NCOA3: variants seen among roughly 807,000 people sequenced by gnomAD.
NCOA3 encodes the protein CBP-interacting protein.
Under a neutral mutation model 158.8 loss-of-function variants are expected in NCOA3, and 51 were observed. The observed-to-expected ratio is 0.32, with a 90% confidence interval of 0.26 to 0.41. The LOEUF (loss-of-function observed/expected upper bound fraction) is 0.41. Ranked by LOEUF, NCOA3 falls within the 10% of genes least tolerant of loss-of-function variation. The pLI, the probability that NCOA3 is intolerant of heterozygous loss-of-function variation, is 1.00. For missense variants in NCOA3, 1,510 were observed against 1,746.6 expected, an observed-to-expected ratio of 0.86 and a Z score of 2.41; for synonymous variants, 537 against 592.4, an observed-to-expected ratio of 0.91 and a Z score of 1.36.
At position 47,585,046 on chromosome 20, in the gene NCOA3, C is replaced by CTTTTTTTTTTT. The variant is rs11473989; in HGVS notation, c.-20+1800_-20+1810dup. 1.9e-4 allele frequency among the ~76,000 whole-genome samples: 17 copies of CTTTTTTTTTTT among 91,340 alleles called. 3 individuals are homozygous for CTTTTTTTTTTT. The highest frequency in any genetic ancestry group is 6.7e-4 in the East Asian group (2 of 2,970). 59.9% of individuals were successfully genotyped at this position (91,340 alleles called of 152,430 possible). ...ACATTTCATCTAACCCCTTTCTTAA[C>CTTTTTTTTTTT]TTTTTTTTTTTTTTTTTTTTTTTTT... is the stretch of plus-strand genomic sequence containing the variant. On this transcript the variant is annotated intron_variant, in intron 2 of 22. Coordinates refer to ENST00000371998, the MANE Select transcript of NCOA3 (RefSeq NM_181659.3).
chr20:47,654,322 C>G lies in NCOA3; in HGVS notation c.*905C>G, dbSNP rs2086841039. On this transcript the variant is annotated 3_prime_UTR_variant, in exon 23 of 23. Coordinates refer to ENST00000371998, the MANE Select transcript of NCOA3 (RefSeq NM_181659.3). ...TTTTTAAAAATAAACTTCTGAAAACCCAAGGCCAGGTACTGCATTCTGAAT... is the reference window on the plus strand; with the variant it reads ...TTTTTAAAAATAAACTTCTGAAAACGCAAGGCCAGGTACTGCATTCTGAAT... 6.6e-6 allele frequency: 1 copy of G among 152,480 alleles called. No individual in the cohort carries two copies. Among genetic ancestry groups the G allele is most frequent in the Non-Finnish European group, 1.5e-5 (1 of 68,022 alleles). 9.4% of individuals were successfully genotyped at this position (152,480 alleles called of 1,614,324 possible).
chr20:47,625,876 AC>A (rs1260736635), intron 5 of NCOA3, among the ~76,000 whole-genome samples: 1 of 152,226 alleles, frequency 6.6e-6, no homozygotes, highest in African/African-American at 2.4e-5. Flanking sequence ...ACAATAAAAA[AC>A]ACCTCAGTGT....
At chr20:47,615,247 A>ATT (rs2086113395) in intron 2 of NCOA3, among the ~76,000 whole-genome samples, 1 of 152,192 alleles carries the variant, frequency 6.6e-6, no homozygotes, top group South Asian at 2.1e-4. Flanking sequence ...TTTCTCCCTT[A>ATT]TTAATTTAGG....
At chr20:47,524,534 GT>G (rs1409429848) in intron 1 of NCOA3, among the ~76,000 whole-genome samples, 1 of 152,190 alleles carries the variant, frequency 6.6e-6, no homozygotes, top group Non-Finnish European at 1.5e-5. Flanking sequence ...CCTCATGCCA[GT>G]TTAGATAAAA....
chr20:47,638,147 T>G (rs578219285), intron 13 of NCOA3, among the ~76,000 whole-genome samples: 7 of 152,148 alleles, frequency 4.6e-5, no homozygotes, highest in Non-Finnish European at 7.4e-5. Context: ...ACCTGTCCAT[T>G]GGTGTTTTAA....
At position 47,511,544 on chromosome 20, in the gene NCOA3, T is replaced by TACACACACAC. The variant is rs1248367171; in HGVS notation, c.-99+9526_-99+9527insCACACACACA. 1.9e-3 allele frequency among the ~76,000 whole-genome samples: 40 copies of TACACACACAC among 21,452 alleles called. 2 individuals are homozygous for TACACACACAC. Among genetic ancestry groups the TACACACACAC allele is most frequent in the Admixed American group, 4.4e-3 (5 of 1,146 alleles). The allele number at this position is 21,452 out of a possible 152,430, so 14.1% of individuals were successfully genotyped here. On this transcript the variant is annotated intron_variant, in intron 1 of 22. Transcript: ENST00000371998. ...CTCGAGATATATATATATATATATATATATATATATATTTCTTTTTTTTTT... is the reference window on the plus strand; with the variant it reads ...CTCGAGATATATATATATATATATATACACACACACATATATATATATTTCTTTTTTTTTT...
intron 1 of NCOA3, among the ~76,000 whole-genome samples, chr20:47,530,080 A>C (rs556751091): frequency 6.6e-6 from 1 of 152,218 alleles, no homozygotes; most frequent in East Asian, 1.9e-4. Flanking sequence ...ATAAAATGGC[A>C]TGTAGCTTTT....
At chr20:47,643,969 C>T (rs1438038902) in intron 17 of NCOA3, among the ~76,000 whole-genome samples, 1 of 151,364 alleles carries the variant, frequency 6.6e-6, no homozygotes, top group Non-Finnish European at 1.5e-5. Context: ...GATGCTGTAT[C>T]TTGGTATGGG....
chr20:47,580,642 G>A lies in NCOA3; in HGVS notation c.-98-2541G>A, dbSNP rs992674295. On this transcript the variant is annotated intron_variant, in intron 1 of 22. Coordinates refer to ENST00000371998, the MANE Select transcript of NCOA3 (RefSeq NM_181659.3). ...TAACCCCACCCCATGACCCTCCTTCGTCTTTCCTAATAAAGGAAAAAACAT... is the reference window on the plus strand; with the variant it reads ...TAACCCCACCCCATGACCCTCCTTCATCTTTCCTAATAAAGGAAAAAACAT... Among the ~76,000 whole-genome samples the A allele has an allele frequency of 4.0e-5, 6 of 148,392 alleles. No homozygotes were observed. The South Asian group carries it at 1.0e-3, about 26-fold the overall frequency.
At chr20:47,632,841 C>T in intron 8 of NCOA3, among the ~76,000 whole-genome samples, 1 of 151,374 alleles carries the variant, frequency 6.6e-6, no homozygotes, top group Non-Finnish European at 1.5e-5. Flanking sequence ...CACTCCCATG[C>T]CCAGCTAATT....
intron 1 of NCOA3, among the ~76,000 whole-genome samples, chr20:47,563,905 G>A (rs2009933): frequency 0.92 from 131,460 of 143,182 alleles, 60,442 homozygotes; most frequent in East Asian, 0.98. Flanking sequence ...AAAAAAAAAA[G>A]AAAGAAAAAA....
intron 1 of NCOA3, among the ~76,000 whole-genome samples, chr20:47,526,220 G>A (rs1484684426): frequency 1.3e-5 from 2 of 150,806 alleles, no homozygotes; most frequent in African/African-American, 4.9e-5. Context: ...GGGAAGAGGC[G>A]CTCCTCACTT....
At chr20:47,603,086 G>A (rs1321162123) in intron 2 of NCOA3, among the ~76,000 whole-genome samples, 2 of 152,214 alleles carry the variant, frequency 1.3e-5, no homozygotes, top group Non-Finnish European at 2.9e-5. Flanking sequence ...TGACAGAGAA[G>A]TGTATGATAT....
At chr20:47,580,331 G>A (rs1285522841) in intron 1 of NCOA3, among the ~76,000 whole-genome samples, 3 of 152,054 alleles carry the variant, frequency 2.0e-5, no homozygotes, top group Non-Finnish European at 4.4e-5. Flanking sequence ...TTGGGAGGCC[G>A]AGGTGGGCAG....
chr20:47,558,876 GCT>G (rs1403129815), intron 1 of NCOA3, among the ~76,000 whole-genome samples: 1 of 145,074 alleles, frequency 6.9e-6, no homozygotes. Context: ...TCCTTGATAG[GCT>G]CTGTTTTAAA....
intron 13 of NCOA3, 87 bp from the exon 14 acceptor site, chr20:47,638,921 G>C: frequency 9.9e-7 from 1 of 1,007,608 alleles, no homozygotes; most frequent in Non-Finnish European, 1.4e-6. Context: ...GACATTCTTG[G>C]GTGGGGAGTG....
At position 47,633,602 on chromosome 20, in the gene NCOA3, G is replaced by A; in HGVS notation, c.930G>A (p.Gly310=). Residue 310 remains glycine, a synonymous_variant, in exon 9 of 23, where the codon GGG becomes GGA. Coordinates refer to ENST00000371998, the MANE Select transcript of NCOA3 (RefSeq NM_181659.3). The part of the protein sequence containing the change: ...CIQRFFSLND[G]QSWSQKRHYQ... ...AGAGATTTTTTAGTCTAAATGATGG[G>A]CAGTCATGGTCCCAGAAACGTCACT... is the stretch of plus-strand genomic sequence containing the variant. The A allele has an allele frequency of 1.9e-6, 3 of 1,613,960 alleles. No homozygotes were observed. Among genetic ancestry groups the A allele is most frequent in the Non-Finnish European group, 2.5e-6 (3 of 1,179,940 alleles).
At chr20:47,610,939 T>C (rs556269676) in intron 2 of NCOA3, among the ~76,000 whole-genome samples, 40 of 152,330 alleles carry the variant, frequency 2.6e-4, no homozygotes, top group African/African-American at 9.1e-4. Context: ...TGTTTTTTAC[T>C]CTACAGGCAC....
At chr20:47,555,807 T>A (rs1436718606) in intron 1 of NCOA3, among the ~76,000 whole-genome samples, 3 of 149,060 alleles carry the variant, frequency 2.0e-5, no homozygotes, top group African/African-American at 7.4e-5. Flanking sequence ...CCCGGCTGAT[T>A]TTTTTTTTGT....
Sources: allele counts gnomAD v4.1 joint callset (sites outside exome capture counted in the v4.1 genomes callset), GRCh38; gene constraint gnomAD v4.1.1; transcripts MANE v1.5; gene names NCBI Gene and HGNC (gene_info 2026-07-23, HGNC 2026-07-21).